The following ARHGEF11 variants were observed in gnomAD, a reference collection of about 807,000 sequenced individuals.
ARHGEF11 encodes the protein Rho guanine nucleotide exchange factor 11.
In ARHGEF11, 55 loss-of-function variants were observed where a neutral mutation model predicts 193.7. That is an observed-to-expected ratio of 0.28 (90% CI 0.23 to 0.36). ARHGEF11 has a LOEUF of 0.36. Among genes scored for constraint, ARHGEF11 ranks in the 10% least tolerant of loss-of-function variants. ARHGEF11 has a pLI of 1.00. For missense variants in ARHGEF11, 1,723 were observed against 2,005.6 expected, an observed-to-expected ratio of 0.86 and a Z score of 2.69; for synonymous variants, 693 against 768.0, an observed-to-expected ratio of 0.90 and a Z score of 1.62.
intron 38 of ARHGEF11, among the ~76,000 whole-genome samples, chr1:156,938,120 A>G (rs1297664192): frequency 6.6e-6 from 1 of 152,052 alleles, no homozygotes; most frequent in Non-Finnish European, 1.5e-5. Flanking sequence ...CAGGTGAAGG[A>G]CACTAGGTCC....
Position 156,963,284 on chromosome 1 carries a change from A to T in ARHGEF11, c.1059T>A (p.Asp353Glu), listed in dbSNP as rs747671880. 2 of 1,614,148 alleles carry T rather than the reference A, an allele frequency of 1.2e-6. No individual in the cohort carries two copies. Among genetic ancestry groups the T allele is most frequent in the Non-Finnish European group, 1.7e-6 (2 of 1,180,010 alleles). ...FNNESDIIFQ[D>E]LEKLKSRPAH... ...CTGGCCGAGACTTCAGTTTCTCCAG[A>T]TCCTGGAATATGATGTCGCTCTGGA... Residue 353 changes from aspartate (D) to glutamate (E), a missense_variant, in exon 13 of 41, where the codon GAT (aspartate) becomes GAA (glutamate). By Grantham distance (45) the Asp-to-Glu change is conservative (BLOSUM62 2). Transcript: ENST00000368194.
In ARHGEF11 at chr1:156,940,196, G is replaced by A. The variant is rs772016548; in HGVS notation, c.3733+11C>T. 1 of 1,566,356 alleles carries A rather than the reference G, an allele frequency of 6.4e-7. No homozygotes were observed. Among genetic ancestry groups the A allele is most frequent in the South Asian group, 1.2e-5 (1 of 82,888 alleles). ...GACCAGGGGCTGACGGCAGGGCCTT[G>A]AAGCACTCACCATCTTCCAGAGCGG... On this transcript the variant is annotated intron_variant, in intron 36 of 40. Transcript: ENST00000368194.
At position 156,959,072 on chromosome 1, in the gene ARHGEF11, C is replaced by A; in HGVS notation, c.1353G>T (p.Glu451Asp). The change falls in exon 16 of 41, where the codon GAG becomes GAT. Residue 451 changes from glutamate (E) to aspartate (D), a missense_variant. Glu to Asp is a conservative substitution (Grantham distance 45). Around this residue, in one of 5 missense-constraint regions of ARHGEF11, gnomAD observed 646 missense variants for 710.7 expected, o/e 0.91. Transcript: ENST00000368194. ...LCEAQEAAMP[E>D]IQEQIHDYRT... Reference sequence around the variant, plus strand: ...TGTAGTCGTGGATCTGCTCTTGGATCTCAGGCATGGCTGCCTCTTGAGCTT... The same window carrying A: ...TGTAGTCGTGGATCTGCTCTTGGATATCAGGCATGGCTGCCTCTTGAGCTT... 1.9e-6 allele frequency: 3 copies of A among 1,614,234 alleles called. No individual in the cohort carries two copies. The highest frequency in any genetic ancestry group is 2.5e-6 in the Non-Finnish European group (3 of 1,180,042).
rs138340145 is a variant in ARHGEF11 at position 156,944,547 on chromosome 1, A to G, written c.2992-114T>C. ...GGTGCTGGGAATTGGTAAATAAGAA[A>G]AAGTCCTTGCCCTTACTCTCTTGTG... is the stretch of plus-strand genomic sequence containing the variant. On this transcript the variant is annotated intron_variant, in intron 30 of 40. Transcript: ENST00000368194. 727 of 1,141,912 alleles carry G rather than the reference A, an allele frequency of 6.4e-4. 1 individual carries two copies. The African/African-American group carries it at 8.8e-3, about 14-fold the overall frequency. The allele number at this position is 1,141,912 out of a possible 1,614,324, so 70.7% of individuals were successfully genotyped here. A position where few individuals can be genotyped will look rare whatever the true frequency, so the allele number is the denominator to read the frequency against.
chr1:156,946,169 A>G lies in ARHGEF11; in HGVS notation c.2695-7T>C. 1 of 1,611,564 alleles carries G rather than the reference A, an allele frequency of 6.2e-7. No homozygotes were observed. The highest frequency in any genetic ancestry group is 8.5e-7 in the Non-Finnish European group (1 of 1,178,780). ...GAGGGTGGCTCTCAGCCTCCTAGACAGCAGGAGACACAGAAGGGAGGAGAT... is the reference window on the plus strand; with the variant it reads ...GAGGGTGGCTCTCAGCCTCCTAGACGGCAGGAGACACAGAAGGGAGGAGAT... On this transcript the variant is annotated splice_region_variant and splice_polypyrimidine_tract_variant and intron_variant, in intron 28 of 40. Coordinates refer to ENST00000368194, the MANE Select transcript of ARHGEF11 (RefSeq NM_198236.3).
At position 157,044,517 on chromosome 1, in the gene ARHGEF11, T is replaced by G; in HGVS notation, c.-187A>C. ...CTCTACTTCTACCAGTGAACATGAT[T>G]TCCTTTCTCAGCCCCTCTTCCCCTC... On this transcript the variant is annotated 5_prime_UTR_variant, in exon 1 of 41. Coordinates refer to ENST00000368194, the MANE Select transcript of ARHGEF11 (RefSeq NM_198236.3). The G allele has an allele frequency of 2.0e-6, 1 of 493,394 alleles. No homozygotes were observed. Among genetic ancestry groups the G allele is most frequent in the Non-Finnish European group, 3.6e-6 (1 of 274,602 alleles). The allele number at this position is 493,394 out of a possible 1,614,324, so 30.6% of individuals were successfully genotyped here.
chr1:156,942,013 G>A, intron 33 of ARHGEF11, 24 bp from the exon 34 acceptor site: 3 of 1,613,982 alleles, frequency 1.9e-6, no homozygotes, highest in Non-Finnish European at 8.5e-7. Context: ...GGAACAGAGA[G>A]GACTGTAGTG....
At chr1:157,008,730 G>A (rs1668202888) in intron 1 of ARHGEF11, among the ~76,000 whole-genome samples, 1 of 152,154 alleles carries the variant, frequency 6.6e-6, no homozygotes, top group South Asian at 2.1e-4. Context: ...ATGTATCAAT[G>A]TAGGGGTGTT....
intron 1 of ARHGEF11, among the ~76,000 whole-genome samples, chr1:156,997,211 C>T (rs1294278741): frequency 6.6e-6 from 1 of 151,980 alleles, no homozygotes. Flanking sequence ...ATTCACCTGC[C>T]CTGCCCTACC....
At chr1:157,035,882 A>T in intron 1 of ARHGEF11, among the ~76,000 whole-genome samples, 1 of 139,380 alleles carries the variant, frequency 7.2e-6, no homozygotes, top group Non-Finnish European at 1.6e-5. Context: ...TATATATAGG[A>T]ATATATATAG....
At position 156,938,406 on chromosome 1, in the gene ARHGEF11, G is replaced by T. The variant is rs752601763; in HGVS notation, c.4192+12C>A. On this transcript the variant is annotated intron_variant, in intron 38 of 40. Transcript: ENST00000368194. ...CTTGGCCTGTCTTTAGCTCCAAGGAGAAAGTTATTACCCGTAGCCTTTGTT... is the reference window on the plus strand; with the variant it reads ...CTTGGCCTGTCTTTAGCTCCAAGGATAAAGTTATTACCCGTAGCCTTTGTT... The T allele has an allele frequency of 1.2e-6, 2 of 1,611,248 alleles. No individual in the cohort carries two copies. Among genetic ancestry groups the T allele is most frequent in the African/African-American group, 2.7e-5 (2 of 74,898 alleles).
At chr1:157,030,923 T>C (rs924060516) in intron 1 of ARHGEF11, among the ~76,000 whole-genome samples, 4 of 152,002 alleles carry the variant, frequency 2.6e-5, no homozygotes, top group Non-Finnish European at 5.9e-5. Flanking sequence ...ATTCTTCTCT[T>C]GCCATGAATT....
At position 156,937,312 on chromosome 1, in the gene ARHGEF11, G is replaced by A. The variant is rs1475014683; in HGVS notation, c.4377C>T (p.Leu1459=). 1 of 1,613,998 alleles carries A rather than the reference G, an allele frequency of 6.2e-7. No individual in the cohort carries two copies. Among genetic ancestry groups the A allele is most frequent in the East Asian group, 2.2e-5 (1 of 44,862 alleles). The stretch of plus-strand genomic sequence containing the variant: ...TATGGAAGATCATGCCCACGTCCCT[G>A]AGGGCCAGGCTTGGAGGAGAGCGGC... The part of the protein sequence containing the change: ...RPSRSPPSLA[L]RDVGMIFHTI... Residue 1459 remains leucine (L), a synonymous_variant, in exon 39 of 41, where the codon CTC becomes CTT. Transcript: ENST00000368194.
At chr1:156,991,744 T>G (rs1665759275) in intron 1 of ARHGEF11, among the ~76,000 whole-genome samples, 1 of 121,836 alleles carries the variant, frequency 8.2e-6, no homozygotes, top group Non-Finnish European at 1.7e-5. Flanking sequence ...TGAGACGGAG[T>G]CTCGCTCTGT....
At chr1:156,939,015 C>G (rs1656172472) in intron 37 of ARHGEF11, 1 of 185,970 alleles carries the variant, frequency 5.4e-6, no homozygotes, top group African/African-American at 2.4e-5. Context: ...GGGTGCCCTC[C>G]CTGCCACCTT....
rs542211580 is a variant in ARHGEF11, at chr1:156,947,718, C to T, written c.2341+51G>A. Reference sequence around the variant, plus strand: ...ACCCTTGTGTCTTAGGCATTCTGGACCTATTCCCACACGTGTGAGCGGAGC... The same window carrying T: ...ACCCTTGTGTCTTAGGCATTCTGGATCTATTCCCACACGTGTGAGCGGAGC... On this transcript the variant is annotated intron_variant, in intron 25 of 40. Transcript: ENST00000368194. 20 of 1,595,730 alleles carry T rather than the reference C, an allele frequency of 1.3e-5. No individual in the cohort carries two copies. The African/African-American group carries it at 1.7e-4, about 14-fold the overall frequency.
In ARHGEF11 at chr1:156,991,707, CTTAT is replaced by C. The variant is rs1557915489; in HGVS notation, c.33-5538_33-5535del. 6.2e-4 allele frequency among the ~76,000 whole-genome samples: 67 copies of C among 107,522 alleles called. 2 individuals carry two copies. Among genetic ancestry groups the C allele is most frequent in the African/African-American group, 2.4e-3 (65 of 27,224 alleles). 70.5% of individuals were successfully genotyped at this position (107,522 alleles called of 152,430 possible). On this transcript the variant is annotated intron_variant, in intron 1 of 40. Transcript: ENST00000368194. ...ATTTTAGGGTTTTCTTTTTTTCAAGCTTATTTTTTTTTTTTTTTTTTTTTTTTGA... is the reference window on the plus strand; with the variant it reads ...ATTTTAGGGTTTTCTTTTTTTCAAGCTTTTTTTTTTTTTTTTTTTTTTTGA...
At position 156,985,749 on chromosome 1, in the gene ARHGEF11, A is replaced by T. The variant is rs537469106; in HGVS notation, c.124+333T>A. 2.4e-3 allele frequency: 263 copies of T among 109,680 alleles called. 2 individuals carry two copies. The highest frequency in any genetic ancestry group is 0.017 in the Middle Eastern group (4 of 232). 6.8% of individuals were successfully genotyped at this position (109,680 alleles called of 1,614,324 possible). ...ATGTGCCTTTTTTTTTTTTTTTTTT[A>T]AAAAGAGATGGAGTATCACTATGTT... On this transcript the variant is annotated intron_variant, in intron 2 of 40. Transcript: ENST00000368194.
chr1:156,956,664 GT>G, intron 18 of ARHGEF11, 100 bp from the exon 19 acceptor site: 1 of 1,516,520 alleles, frequency 6.6e-7, no homozygotes, highest in Non-Finnish European at 8.9e-7. Context: ...GGAAGGGGTA[GT>G]TACAGGTGAA....
Sources: allele counts gnomAD v4.1 joint callset (sites outside exome capture counted in the v4.1 genomes callset), GRCh38; gene constraint gnomAD v4.1.1; regional missense constraint gnomAD v4.1.1; transcripts MANE v1.5; gene names NCBI Gene and HGNC (gene_info 2026-07-23, HGNC 2026-07-21).